Variants in PTPRD observed in about 807,000 individuals in gnomAD.
PTPRD encodes the protein protein tyrosine phosphatase receptor type D.
In PTPRD, 34 loss-of-function variants were observed where a neutral mutation model predicts 214.5. That is an observed-to-expected ratio of 0.16 (90% confidence interval 0.12 to 0.21). The LOEUF is 0.21. Among genes scored for constraint, PTPRD ranks in the 10% least tolerant of loss-of-function variants. The pLI is 1.00. For synonymous variants in PTPRD, 1,128 were observed against 845.7 expected, an observed-to-expected ratio of 1.33 and a Z score of -5.79; for missense variants, 2,545 against 2,398.7, an observed-to-expected ratio of 1.06 and a Z score of -1.27.
chr9:9,802,820 C>T (rs1318461468), intron 5 of PTPRD, among the ~76,000 whole-genome samples: 3 of 151,766 alleles, frequency 2.0e-5, no homozygotes, highest in Non-Finnish European at 4.4e-5. Context: ...GAAAAAAATT[C>T]TAATGAAACA....
rs2098744502 is a variant in PTPRD at position 9,770,619 on chromosome 9, C to T, written c.-367-3768G>A. ...CAAATGTCTCATTCCTATCATAATA[C>T]TCAGAGTACTTAACCTGTAAAATAT... On this transcript the variant is annotated intron_variant, in intron 5 of 45. Transcript: ENST00000381196. Among the ~76,000 whole-genome samples, 3 of 152,174 alleles carry T rather than the reference C, an allele frequency of 2.0e-5. No individual in the cohort carries two copies. The South Asian group carries it at 6.2e-4, about 32-fold the overall frequency.
chr9:8,543,170 T>G (rs1473414630), intron 14 of PTPRD, among the ~76,000 whole-genome samples: 2 of 152,222 alleles, frequency 1.3e-5, no homozygotes, highest in Non-Finnish European at 1.5e-5. Flanking sequence ...AGCGATGTAA[T>G]AAAACCTTTT....
chr9:8,500,567 A>G (rs2097376213), intron 24 of PTPRD, among the ~76,000 whole-genome samples, 187 bp downstream of exon 24: 10 of 141,800 alleles, frequency 7.1e-5, no homozygotes, highest in East Asian at 4.1e-4. Flanking sequence ...TGAAAAAAAA[A>G]AAAAAAAAAA....
chr9:10,366,173 G>A (rs1026587320), intron 2 of PTPRD, among the ~76,000 whole-genome samples: 3 of 152,176 alleles, frequency 2.0e-5, no homozygotes, highest in Admixed American at 6.5e-5. Flanking sequence ...GCTGATATAT[G>A]GCTCTGCGAT....
At chr9:9,155,672 A>G (rs182859132) in intron 10 of PTPRD, among the ~76,000 whole-genome samples, 19 of 152,284 alleles carry the variant, frequency 1.2e-4, no homozygotes, top group Admixed American at 1.2e-3. Context: ...CTTGTTTCAC[A>G]TAAAGGTGCT....
intron 7 of PTPRD, among the ~76,000 whole-genome samples, chr9:9,678,602 AT>A: frequency 6.6e-6 from 1 of 152,056 alleles, no homozygotes; most frequent in South Asian, 2.1e-4. Flanking sequence ...ATAGTGAACT[AT>A]TACAAGCATC....
intron 9 of PTPRD, among the ~76,000 whole-genome samples, chr9:9,324,748 A>G (rs1569567372): frequency 6.6e-6 from 1 of 151,998 alleles, no homozygotes; most frequent in Non-Finnish European, 1.5e-5. Context: ...TTGGTGTTTC[A>G]GTCATGAAGT....
rs79156208 is a variant in PTPRD, at chr9:9,387,088, T to G, written c.-203+10361A>C. On this transcript the variant is annotated intron_variant, in intron 9 of 45. Transcript: ENST00000381196. The stretch of plus-strand genomic sequence containing the variant: ...GTTCTTTCCTTTGTCTTAGCCAGAA[T>G]GGCCAAAGACCTACATTTACAAAGG... Among the ~76,000 whole-genome samples the G allele has an allele frequency of 2.7e-3, 409 of 152,322 alleles. 1 individual carries two copies. The highest frequency in any genetic ancestry group is 9.5e-3 in the African/African-American group (394 of 41,580).
intron 8 of PTPRD, among the ~76,000 whole-genome samples, chr9:9,512,108 T>G (rs894405455): frequency 6.6e-6 from 1 of 151,810 alleles, no homozygotes; most frequent in Non-Finnish European, 1.5e-5. Context: ...CATCTCACTA[T>G]AAGTTTAATA....
chr9:10,322,485 G>GCCTA (rs2096570170), intron 3 of PTPRD, among the ~76,000 whole-genome samples: 2 of 151,882 alleles, frequency 1.3e-5, no homozygotes, highest in Non-Finnish European at 2.9e-5. Context: ...AGTGATTTTA[G>GCCTA]GATACTCGAG....
chr9:8,348,040 T>C (rs78847808), intron 39 of PTPRD, among the ~76,000 whole-genome samples: 6,455 of 152,090 alleles, frequency 0.042, 457 homozygotes, highest in African/African-American at 0.15. Context: ...TTTGAAAAGA[T>C]ATCCTAAAAA....
chr9:8,660,532 G>A (rs781605205), intron 12 of PTPRD, among the ~76,000 whole-genome samples: 2 of 152,022 alleles, frequency 1.3e-5, no homozygotes, highest in Non-Finnish European at 2.9e-5. Flanking sequence ...ACTGATCTTT[G>A]GCTCCCATTT....
chr9:10,438,270 G>A (rs1042654984), intron 2 of PTPRD, among the ~76,000 whole-genome samples: 4 of 151,330 alleles, frequency 2.6e-5, no homozygotes, highest in African/African-American at 9.7e-5. Context: ...TAACCTCATC[G>A]TGTGTCAAGG....
chr9:9,367,022 T>A (rs1305228819), intron 9 of PTPRD, among the ~76,000 whole-genome samples: 1 of 151,154 alleles, frequency 6.6e-6, no homozygotes, highest in African/African-American at 2.4e-5. Flanking sequence ...GATATTGTAA[T>A]ACATTGAAAA....
intron 3 of PTPRD, among the ~76,000 whole-genome samples, chr9:10,034,223 A>C (rs530958790): frequency 3.3e-5 from 5 of 152,174 alleles, no homozygotes; most frequent in African/African-American, 1.2e-4. Context: ...CCACTTTTTT[A>C]ATGCCAAACA....
At chr9:10,225,742 C>G (rs975334420) in intron 3 of PTPRD, among the ~76,000 whole-genome samples, 1 of 152,022 alleles carries the variant, frequency 6.6e-6, no homozygotes, top group African/African-American at 2.4e-5. Context: ...AAGAGCATTA[C>G]TTAAAAATTA....
chr9:9,924,675 T>C (rs551503699), intron 5 of PTPRD, among the ~76,000 whole-genome samples: 4 of 152,180 alleles, frequency 2.6e-5, no homozygotes, highest in African/African-American at 9.6e-5. Context: ...AAAAACCATC[T>C]CCTATCACAA....
chr9:9,093,177 A>G (rs905070733), intron 10 of PTPRD, among the ~76,000 whole-genome samples: 1 of 152,148 alleles, frequency 6.6e-6, no homozygotes, highest in African/African-American at 2.4e-5. Flanking sequence ...ACTTCCAAAT[A>G]CTAGAAACAC....
chr9:10,125,395 T>C (rs1286039085), intron 3 of PTPRD, among the ~76,000 whole-genome samples: 1 of 148,382 alleles, frequency 6.7e-6, no homozygotes, highest in Non-Finnish European at 1.5e-5. Flanking sequence ...TTCTTTTTTA[T>C]TTTTTATTTT....
Sources: allele counts gnomAD v4.1 joint callset (sites outside exome capture counted in the v4.1 genomes callset), GRCh38; gene constraint gnomAD v4.1.1; transcripts MANE v1.5; gene names NCBI Gene and HGNC (gene_info 2026-07-23, HGNC 2026-07-21).